STIMATE: variants seen among roughly 807,000 people sequenced by gnomAD.
The protein encoded by STIMATE is STIM activating enhancer, also known as store-operated calcium entry regulator STIMATE.
In STIMATE, 15 loss-of-function variants were observed where a neutral mutation model predicts 36.7. The observed-to-expected ratio is 0.41, with a 90% confidence interval of 0.27 to 0.63. STIMATE has a LOEUF of 0.63. Among genes scored for constraint, STIMATE ranks in the 20% least tolerant of loss-of-function variants. The probability of loss-of-function intolerance (pLI) is 0.32; values close to 1 mark genes in which losing one functional copy is unlikely to be tolerated. For missense variants in STIMATE, 305 were observed against 397.3 expected (o/e 0.77, Z 1.98); for synonymous variants, 163 against 162.3 (o/e 1.00, Z -0.03).
chr3:52,895,219 G>A (rs1559501350), intron 1 of STIMATE, among the ~76,000 whole-genome samples: 1 of 152,322 alleles, frequency 6.6e-6, no homozygotes, highest in East Asian at 1.9e-4. Flanking sequence ...TATTTCAACA[G>A]GACCAAGAAA....
intron 5 of STIMATE, among the ~76,000 whole-genome samples, chr3:52,844,307 A>G (rs894821749): frequency 6.6e-6 from 1 of 152,266 alleles, no homozygotes; most frequent in Admixed American, 6.5e-5. Context: ...ACTTGTTCTC[A>G]AAGCTTCTGG....
At chr3:52,884,538 GC>G (rs1056071608) in intron 1 of STIMATE, among the ~76,000 whole-genome samples, 1 of 152,092 alleles carries the variant, frequency 6.6e-6, no homozygotes, top group African/African-American at 2.4e-5. Flanking sequence ...GACCTACCGC[GC>G]CCGCCCAAAA....
intron 1 of STIMATE, among the ~76,000 whole-genome samples, chr3:52,878,944 C>T (rs1197650967): frequency 6.6e-6 from 1 of 152,182 alleles, no homozygotes; most frequent in Non-Finnish European, 1.5e-5. Flanking sequence ...ACGGATGTTG[C>T]GATAGCATCC....
At chr3:52,858,319 G>A (rs979915928) in intron 1 of STIMATE, among the ~76,000 whole-genome samples, 5 of 152,164 alleles carry the variant, frequency 3.3e-5, no homozygotes, top group African/African-American at 9.7e-5. Context: ...CATCCCAGAA[G>A]AATGAACTAG....
At chr3:52,897,189 G>A (rs1037107969) in intron 1 of STIMATE, 102 bp downstream of exon 1, 2 of 1,423,648 alleles carry the variant, frequency 1.4e-6, no homozygotes, top group Non-Finnish European at 1.8e-6. Context: ...GGAGCAATTC[G>A]GGTCCCAAGG....
At chr3:52,849,962 G>A in intron 3 of STIMATE, 49 bp from the exon 4 acceptor site, 3 of 1,590,854 alleles carry the variant, frequency 1.9e-6, no homozygotes, top group East Asian at 4.5e-5. Context: ...CACGGGGCCA[G>A]AGGTCATGGC....
chr3:52,871,558 G>C (rs1701407828), intron 1 of STIMATE, among the ~76,000 whole-genome samples: 1 of 152,160 alleles, frequency 6.6e-6, no homozygotes, highest in African/African-American at 2.4e-5. Context: ...TTCCACAAAA[G>C]AGGCTCAGAG....
At chr3:52,867,701 G>C (rs1415145790) in intron 1 of STIMATE, among the ~76,000 whole-genome samples, 1 of 152,234 alleles carries the variant, frequency 6.6e-6, no homozygotes, top group Non-Finnish European at 1.5e-5. Flanking sequence ...GTGGCAAGCA[G>C]CGCCACCTCC....
At chr3:52,877,611 T>C (rs891051470) in intron 1 of STIMATE, among the ~76,000 whole-genome samples, 2 of 152,152 alleles carry the variant, frequency 1.3e-5, no homozygotes, top group African/African-American at 4.8e-5. Context: ...GTACATGAAG[T>C]CTTGGATTAA....
At chr3:52,881,230 G>A (rs1042412537) in intron 1 of STIMATE, among the ~76,000 whole-genome samples, 9 of 151,768 alleles carry the variant, frequency 5.9e-5, no homozygotes, top group Admixed American at 5.9e-4. Context: ...AATGTAAACG[G>A]TGACAATCAG....
chr3:52,871,358 C>G (rs1251329706), intron 1 of STIMATE, among the ~76,000 whole-genome samples: 1 of 152,060 alleles, frequency 6.6e-6, no homozygotes, highest in Non-Finnish European at 1.5e-5. Context: ...AGAACCCAGG[C>G]CGGACTGCTC....
At chr3:52,843,024 C>T in intron 6 of STIMATE, 64 bp from the exon 7 acceptor site, 2 of 1,602,374 alleles carry the variant, frequency 1.2e-6, no homozygotes, top group African/African-American at 1.3e-5. Flanking sequence ...AGCCGAACAG[C>T]CCCCATCCGC....
intron 1 of STIMATE, among the ~76,000 whole-genome samples, chr3:52,893,572 G>A (rs1701816795): frequency 1.3e-5 from 2 of 152,180 alleles, no homozygotes; most frequent in South Asian, 2.1e-4. Context: ...TTCACACAGA[G>A]CACACAGGGA....
chr3:52,876,330 G>C lies in STIMATE; in HGVS notation c.161-20886C>G, dbSNP rs550631446. Among the ~76,000 whole-genome samples the C allele has an allele frequency of 3.9e-5, 6 of 152,328 alleles. No individual in the cohort carries two copies. The South Asian group carries it at 1.2e-3, about 32-fold the overall frequency. ...ACAGCAAGGCACCAGCATCAGGACT[G>C]ATGGAGCCTGGTCCCTTGATACAAA... On this transcript the variant is annotated intron_variant, in intron 1 of 7. Transcript: ENST00000355083.
intron 1 of STIMATE, among the ~76,000 whole-genome samples, chr3:52,880,981 G>C (rs1053984249): frequency 1.3e-5 from 2 of 152,164 alleles, no homozygotes; most frequent in Non-Finnish European, 2.9e-5. Flanking sequence ...TTGAGGTCAG[G>C]AGTTTGAGAC....
intron 1 of STIMATE, among the ~76,000 whole-genome samples, chr3:52,861,247 C>G (rs1701210932): frequency 6.6e-6 from 1 of 152,106 alleles, no homozygotes; most frequent in Non-Finnish European, 1.5e-5. Context: ...CCCTACTGAA[C>G]AGAGAGAGGG....
intron 6 of STIMATE, 68 bp downstream of exon 6, chr3:52,843,653 C>T: frequency 6.2e-7 from 1 of 1,612,118 alleles, no homozygotes; most frequent in South Asian, 1.1e-5. Context: ...CTGTCAGACT[C>T]AGAACTTTGG....
At chr3:52,852,519 C>G (rs1236892054) in intron 3 of STIMATE, 84 bp downstream of exon 3, 7 of 1,549,754 alleles carry the variant, frequency 4.5e-6, no homozygotes, top group Non-Finnish European at 6.2e-6. Flanking sequence ...CCAGAGGGAG[C>G]AGGACCAGCA....
At position 52,859,502 on chromosome 3, in the gene STIMATE, C is replaced by CAAAAAAAAA. The variant is rs34298807; in HGVS notation, c.161-4067_161-4059dup. ...AGCAACAAAGCAAGACCCATTTCTC[C>CAAAAAAAAA]AAAAAAAAAAAAAAAAAAAAAAAAA... is the stretch of plus-strand genomic sequence containing the variant. On this transcript the variant is annotated intron_variant, in intron 1 of 7. Coordinates refer to ENST00000355083, the MANE Select transcript of STIMATE (RefSeq NM_198563.5). Among the ~76,000 whole-genome samples, 19 of 15,638 alleles carry CAAAAAAAAA rather than the reference C, an allele frequency of 1.2e-3. 2 individuals carry two copies. Among genetic ancestry groups the CAAAAAAAAA allele is most frequent in the South Asian group, 3.8e-3 (1 of 260 alleles). 10.3% of individuals were successfully genotyped at this position (15,638 alleles called of 152,430 possible).
Sources: gnomAD v4.1 joint callset for allele counts (sites outside exome capture counted in the v4.1 genomes callset) on GRCh38, gnomAD v4.1.1 for gene constraint, MANE v1.5 for transcripts, NCBI Gene and HGNC (gene_info 2026-07-23, HGNC 2026-07-21) for gene names.